Variants in FGD6 observed in about 807,000 individuals in gnomAD.
The protein encoded by FGD6 is FYVE, RhoGEF and PH domain-containing protein 6.
A neutral mutation model predicts 149.4 loss-of-function variants in FGD6; 90 were observed. The ratio of observed to expected loss-of-function variants is 0.60; its 90% CI spans 0.51 to 0.72. The LOEUF is 0.72. Among genes scored for constraint, FGD6 ranks in the 30% least tolerant of loss-of-function variants. FGD6 has a pLI of 0.00. For missense variants in FGD6, 1,437 were observed against 1,684.8 expected (o/e 0.85, Z 2.57); for synonymous variants, 527 against 584.0 (o/e 0.90, Z 1.41).
chr12:95,093,197 G>A (rs565960744), intron 15 of FGD6, among the ~76,000 whole-genome samples: 21 of 151,998 alleles, frequency 1.4e-4, no homozygotes, highest in African/African-American at 5.1e-4. Context: ...CTCCAGCCTG[G>A]GCAACAGAGT....
chr12:95,108,293 G>C, intron 11 of FGD6, 55 bp downstream of exon 11: 3 of 1,454,240 alleles, frequency 2.1e-6, no homozygotes, highest in Non-Finnish European at 2.9e-6. Context: ...AACAGATACA[G>C]ATGGTACCTA....
At chr12:95,108,245 G>T in intron 11 of FGD6, 103 bp downstream of exon 11, 1 of 970,746 alleles carries the variant, frequency 1.0e-6, no homozygotes, top group Non-Finnish European at 1.5e-6. Context: ...TTGAATCAAT[G>T]AAGAGTAACA....
intron 1 of FGD6, among the ~76,000 whole-genome samples, chr12:95,217,012 C>A (rs2056819276): frequency 6.6e-6 from 1 of 152,206 alleles, no homozygotes; most frequent in Admixed American, 6.5e-5. Context: ...GAAGGGAGAT[C>A]CCGAGAAATC....
At chr12:95,093,210 G>A (rs1285681245) in intron 15 of FGD6, among the ~76,000 whole-genome samples, 1 of 151,114 alleles carries the variant, frequency 6.6e-6, no homozygotes, top group Non-Finnish European at 1.5e-5. Flanking sequence ...AACAGAGTGG[G>A]ACTCCGTCTC....
intron 19 of FGD6, 33 bp from the exon 20 acceptor site, chr12:95,084,679 T>G (rs1877801029): frequency 1.3e-6 from 2 of 1,531,260 alleles, no homozygotes; most frequent in Non-Finnish European, 1.7e-6. Flanking sequence ...GAGAAAAGTT[T>G]TTAGATTGAG....
At chr12:95,141,570 C>T (rs1879847174) in intron 5 of FGD6, 31 bp from the exon 6 acceptor site, 1 of 1,612,530 alleles carries the variant, frequency 6.2e-7, no homozygotes, top group Non-Finnish European at 8.5e-7. Flanking sequence ...AAAAACAATA[C>T]ACACACATGT....
In FGD6 at chr12:95,085,799, T is replaced by G; in HGVS notation, c.4088A>C (p.Tyr1363Ser). Reference protein sequence around the residue: ...FWFVIKNKVLYTYAASEDVAA... With the variant: ...FWFVIKNKVLSTYAASEDVAA... ...TCTTACCTCACTTGCAGCATATGTA[T>G]ATAGTACTTTATTTTTTATGACAAA... Residue 1363 changes from tyrosine to serine, a missense_variant, in exon 19 of 21, where the codon TAT (tyrosine) becomes TCT (serine). Tyr to Ser is a moderately radical substitution (Grantham distance 144). This residue lies in a region of FGD6 where 382 missense variants were observed against 538.7 expected (regional missense o/e 0.71). Coordinates refer to ENST00000343958, the MANE Select transcript of FGD6 (RefSeq NM_018351.4). 6.2e-7 allele frequency: 1 copy of G among 1,613,846 alleles called. No homozygotes were observed. The highest frequency in any genetic ancestry group is 8.5e-7 in the Non-Finnish European group (1 of 1,179,940).
intron 3 of FGD6, among the ~76,000 whole-genome samples, chr12:95,154,980 GA>G (rs1219291153): frequency 6.6e-6 from 1 of 151,786 alleles, no homozygotes; most frequent in East Asian, 1.9e-4. Flanking sequence ...AACACTGAGG[GA>G]AAAAACTTTT....
At chr12:95,172,038 G>GTGGGA in intron 3 of FGD6, among the ~76,000 whole-genome samples, 1 of 136,554 alleles carries the variant, frequency 7.3e-6, no homozygotes, top group Non-Finnish European at 1.6e-5. Flanking sequence ...AATTCTAAGG[G>GTGGGA]GGGGGGGGTT....
intron 3 of FGD6, among the ~76,000 whole-genome samples, chr12:95,171,759 C>A (rs1440822573): frequency 6.6e-6 from 1 of 152,068 alleles, no homozygotes; most frequent in African/African-American, 2.4e-5. Flanking sequence ...TCATGATCCA[C>A]CCCCCTCGGT....
intron 5 of FGD6, among the ~76,000 whole-genome samples, chr12:95,146,551 G>A (rs1368248754): frequency 2.0e-5 from 3 of 152,162 alleles, no homozygotes; most frequent in East Asian, 3.9e-4. Flanking sequence ...AGTTAAGAGT[G>A]TGAAAATGTT....
intron 8 of FGD6, chr12:95,126,002 C>T (rs1452338115): frequency 2.9e-6 from 4 of 1,379,778 alleles, no homozygotes; most frequent in African/African-American, 2.8e-5. Context: ...AGAAGGTAGA[C>T]ATCAATACAA....
At chr12:95,086,467 T>C (rs912388920) in intron 18 of FGD6, among the ~76,000 whole-genome samples, 8 of 149,186 alleles carry the variant, frequency 5.4e-5, no homozygotes, top group Non-Finnish European at 1.2e-4. Flanking sequence ...TTTTACTTCA[T>C]AAAAAGTTGA....
At position 95,141,559 on chromosome 12, in the gene FGD6, GA is replaced by G; in HGVS notation, c.2686-21del. On this transcript the variant is annotated intron_variant, in intron 5 of 20. Coordinates refer to ENST00000343958, the MANE Select transcript of FGD6 (RefSeq NM_018351.4). ...GAAATCCTATTACAGTCCAGAGCAGGAAAAACAATACACACACATGTAACTT... is the reference window on the plus strand; with the variant it reads ...GAAATCCTATTACAGTCCAGAGCAGGAAAACAATACACACACATGTAACTT... 6.2e-7 allele frequency: 1 copy of G among 1,613,116 alleles called. No homozygotes were observed. The highest frequency in any genetic ancestry group is 1.1e-5 in the South Asian group (1 of 90,932).
At chr12:95,173,281 G>A (rs1234709158) in intron 2 of FGD6, among the ~76,000 whole-genome samples, 1 of 152,202 alleles carries the variant, frequency 6.6e-6, no homozygotes, top group Non-Finnish European at 1.5e-5. Context: ...GACATGGGGA[G>A]GAAGAGGAAA....
Position 95,209,693 on chromosome 12 carries a change from T to G in FGD6, c.1591A>C (p.Ser531Arg). The G allele has an allele frequency of 6.2e-7, 1 of 1,614,002 alleles. No homozygotes were observed. The highest frequency in any genetic ancestry group is 1.1e-5 in the South Asian group (1 of 91,036). ...TTTCTTTCTAGACTCTTCTCTGAAC[T>G]TTTTTCTTCACTTGAAGGATAAGAA... ...KSSYPSSEEK[S>R]SEKSLERNHL... The change falls in exon 2 of 21, where the codon AGT becomes CGT. Residue 531 changes from serine to arginine, a missense_variant. Transcript: ENST00000343958.
chr12:95,141,009 G>C (rs994249205), intron 6 of FGD6, among the ~76,000 whole-genome samples: 1 of 152,162 alleles, frequency 6.6e-6, no homozygotes, highest in Admixed American at 6.5e-5. Context: ...ATCACCTGAG[G>C]TCAGGAGTTC....
intron 14 of FGD6, among the ~76,000 whole-genome samples, chr12:95,101,577 C>T (rs1205021286): frequency 1.3e-5 from 2 of 151,968 alleles, no homozygotes; most frequent in Non-Finnish European, 2.9e-5. Flanking sequence ...TTTCTATAGG[C>T]ATTTCTGCCT....
At chr12:95,130,963 C>T (rs1353923888) in intron 8 of FGD6, among the ~76,000 whole-genome samples, 1 of 152,136 alleles carries the variant, frequency 6.6e-6, no homozygotes, top group Non-Finnish European at 1.5e-5. Flanking sequence ...ATTATAGGAA[C>T]ATAGGTGCTT....
Sources: gnomAD v4.1 joint callset for allele counts (sites outside exome capture counted in the v4.1 genomes callset) on GRCh38, gnomAD v4.1.1 for gene constraint, gnomAD v4.1.1 regional missense constraint, MANE v1.5 for transcripts, NCBI Gene and HGNC (gene_info 2026-07-23, HGNC 2026-07-21) for gene names.